Variants in GPR137C observed in about 807,000 individuals in gnomAD.
GPR137C encodes integral membrane protein GPR137C.
In GPR137C, 27 loss-of-function variants were observed where a neutral mutation model predicts 43.4. That is an observed-to-expected ratio of 0.62 (90% CI 0.46 to 0.86). GPR137C has a LOEUF of 0.86. GPR137C is among the 40% of genes least tolerant of loss of function. GPR137C has a pLI of 0.00. For missense variants in GPR137C, 522 were observed against 534.6 expected (o/e 0.98, Z 0.23); for synonymous variants, 285 against 226.9 (o/e 1.26, Z -2.30).
At chr14:52,574,820 A>G (rs966989801) in intron 1 of GPR137C, among the ~76,000 whole-genome samples, 2 of 152,120 alleles carry the variant, frequency 1.3e-5, no homozygotes, top group Non-Finnish European at 2.9e-5. Flanking sequence ...CCATTATTAG[A>G]TCTATTTCCT....
intron 1 of GPR137C, among the ~76,000 whole-genome samples, chr14:52,559,399 C>T (rs540396822): frequency 2.0e-5 from 3 of 152,018 alleles, no homozygotes; most frequent in African/African-American, 7.2e-5. Context: ...AAACAAAAAA[C>T]CTTCAAAATC....
chr14:52,556,784 A>G (rs1566599403), intron 1 of GPR137C, among the ~76,000 whole-genome samples: 5 of 151,946 alleles, frequency 3.3e-5, no homozygotes, highest in African/African-American at 2.4e-5. Context: ...TCCTGAATCT[A>G]AATTTTTTTT....
chr14:52,577,123 G>A (rs112715003), intron 1 of GPR137C, among the ~76,000 whole-genome samples: 2,635 of 139,888 alleles, frequency 0.019, 36 homozygotes, highest in Non-Finnish European at 0.026. Flanking sequence ...GGGGGCGGAG[G>A]TTGCAATAAG....
chr14:52,568,410 T>G (rs756526808), intron 1 of GPR137C, among the ~76,000 whole-genome samples: 18 of 150,252 alleles, frequency 1.2e-4, no homozygotes, highest in African/African-American at 4.2e-4. Context: ...ACTGCAGGAG[T>G]TTTTTTTTCA....
At chr14:52,553,963 T>C (rs1417434450) in intron 1 of GPR137C, among the ~76,000 whole-genome samples, 1 of 152,080 alleles carries the variant, frequency 6.6e-6, no homozygotes, top group African/African-American at 2.4e-5. Context: ...AGCCGGACTG[T>C]GTTGAGGGAG....
intron 5 of GPR137C, 42 bp from the exon 6 acceptor site, chr14:52,633,786 A>G: frequency 6.5e-7 from 1 of 1,538,478 alleles, no homozygotes; most frequent in Middle Eastern, 1.7e-4. Context: ...TTCTTAGTGG[A>G]AAAGTAAAAC....
At chr14:52,609,791 G>A (rs1291318575) in intron 3 of GPR137C, among the ~76,000 whole-genome samples, 1 of 152,226 alleles carries the variant, frequency 6.6e-6, no homozygotes, top group Non-Finnish European at 1.5e-5. Context: ...CAGTGGCCCA[G>A]ATGGGTGTGC....
chr14:52,630,344 G>A (rs949580002), intron 3 of GPR137C, among the ~76,000 whole-genome samples: 1 of 151,932 alleles, frequency 6.6e-6, no homozygotes, highest in Non-Finnish European at 1.5e-5. Flanking sequence ...TTATTTTTGA[G>A]GATGGTAATT....
intron 3 of GPR137C, among the ~76,000 whole-genome samples, chr14:52,616,536 C>A (rs1392132794): frequency 6.6e-6 from 1 of 152,138 alleles, no homozygotes; most frequent in African/African-American, 2.4e-5. Context: ...TCATGTGATC[C>A]GCCTGCCTCA....
intron 1 of GPR137C, among the ~76,000 whole-genome samples, chr14:52,560,063 G>T (rs1227379419): frequency 1.3e-5 from 2 of 152,068 alleles, no homozygotes; most frequent in Admixed American, 6.6e-5. Context: ...AGGCTGAGGT[G>T]GGAGGATCAC....
At chr14:52,555,309 G>A (rs1015155671) in intron 1 of GPR137C, among the ~76,000 whole-genome samples, 4 of 151,944 alleles carry the variant, frequency 2.6e-5, no homozygotes, top group Non-Finnish European at 4.4e-5. Context: ...ACTTCTTGAG[G>A]TATAACATAT....
intron 1 of GPR137C, among the ~76,000 whole-genome samples, chr14:52,595,297 T>A (rs1204984815): frequency 3.3e-5 from 5 of 152,202 alleles, no homozygotes; most frequent in Admixed American, 3.3e-4. Flanking sequence ...TTATGTGTCT[T>A]GGGGTTCCTC....
intron 1 of GPR137C, among the ~76,000 whole-genome samples, chr14:52,553,794 G>A (rs1016894130): frequency 1.7e-4 from 26 of 152,302 alleles, no homozygotes; most frequent in African/African-American, 6.3e-4. Flanking sequence ...TTACTGAGGG[G>A]TTCGGGCTAG....
chr14:52,585,079 T>C (rs547892921), intron 1 of GPR137C, among the ~76,000 whole-genome samples: 1 of 152,308 alleles, frequency 6.6e-6, no homozygotes, highest in East Asian at 1.9e-4. Context: ...CTAACATCTT[T>C]CACAAGAAGT....
At chr14:52,626,263 T>C (rs2139575536) in intron 3 of GPR137C, among the ~76,000 whole-genome samples, 1 of 152,278 alleles carries the variant, frequency 6.6e-6, no homozygotes, top group South Asian at 2.1e-4. Flanking sequence ...TACAGACTAG[T>C]GTCCCTAATA....
chr14:52,611,040 C>T (rs1250561711), intron 3 of GPR137C, among the ~76,000 whole-genome samples: 1 of 152,108 alleles, frequency 6.6e-6, no homozygotes, highest in Non-Finnish European at 1.5e-5. Context: ...CCATAATACT[C>T]TCCAAAAGAA....
chr14:52,555,825 TAA>T (rs1427648258), intron 1 of GPR137C, among the ~76,000 whole-genome samples: 2 of 152,168 alleles, frequency 1.3e-5, no homozygotes, highest in Non-Finnish European at 2.9e-5. Flanking sequence ...CAGTTGTACT[TAA>T]GAGAACAAAT....
intron 1 of GPR137C, among the ~76,000 whole-genome samples, chr14:52,592,207 A>G (rs570806853): frequency 7.0e-4 from 107 of 152,276 alleles, no homozygotes; most frequent in African/African-American, 2.5e-3. Context: ...TACCAGTACC[A>G]TGCTGTTTTG....
At chr14:52,578,805 G>A (rs372934478) in intron 1 of GPR137C, among the ~76,000 whole-genome samples, 15 of 152,116 alleles carry the variant, frequency 9.9e-5, no homozygotes, top group Non-Finnish European at 2.1e-4. Flanking sequence ...TTAGCCAGGC[G>A]TGGTGGCACG....
Sources: allele counts gnomAD v4.1 joint callset (sites outside exome capture counted in the v4.1 genomes callset), GRCh38; gene constraint gnomAD v4.1.1; transcripts MANE v1.5; gene names NCBI Gene and HGNC (gene_info 2026-07-23, HGNC 2026-07-21).